Variants in CPS1 observed in about 807,000 individuals in gnomAD.
CPS1 encodes the protein carbamoyl-phosphate synthase 1.
In CPS1, 109 loss-of-function variants were observed where a neutral mutation model predicts 174.6. The ratio of observed to expected loss-of-function variants is 0.62; its 90% CI spans 0.53 to 0.73. CPS1 has a LOEUF of 0.73. CPS1 is among the 30% of genes least tolerant of loss of function. The pLI is 0.00. For synonymous variants in CPS1, 637 were observed against 632.0 expected (o/e 1.01, Z -0.12); for missense variants, 1,689 against 1,821.9 (o/e 0.93, Z 1.33).
At chr2:210,633,264 CT>C (rs549845940) in intron 21 of CPS1, among the ~76,000 whole-genome samples, 16 of 148,784 alleles carry the variant, frequency 1.1e-4, no homozygotes, top group African/African-American at 2.0e-4. Flanking sequence ...TGACAGATGG[CT>C]TTTTTTTTTC....
At chr2:210,677,221 C>A in intron 37 of CPS1, 85 bp downstream of exon 37, 1 of 1,261,240 alleles carries the variant, frequency 7.9e-7, no homozygotes, top group Non-Finnish European at 1.2e-6. Flanking sequence ...ATGCACATCT[C>A]TCTTTTCCCC....
intron 34 of CPS1, among the ~76,000 whole-genome samples, chr2:210,669,306 A>G: frequency 6.6e-6 from 1 of 152,114 alleles, no homozygotes; most frequent in East Asian, 1.9e-4. Context: ...TTCCTGAAAA[A>G]ATACTAGAGG....
rs780608608 is a variant in CPS1, at chr2:210,502,427, AAG to A, written c.3+24667_3+24668del. Among the ~76,000 whole-genome samples, 276 of 146,332 alleles carry A rather than the reference AAG, an allele frequency of 1.9e-3. 1 individual carries two copies. Among genetic ancestry groups the A allele is most frequent in the African/African-American group, 2.6e-3 (105 of 40,562 alleles). On this transcript the variant is annotated intron_variant, in intron 1 of 38. Transcript: ENST00000430249. ...TTATATATATATAATATATATATAA[AAG>A]AGAGATATAGAGATATCTATGAGAT... is the stretch of plus-strand genomic sequence containing the variant.
intron 15 of CPS1, among the ~76,000 whole-genome samples, chr2:210,601,974 G>C (rs990898763): frequency 6.6e-6 from 1 of 151,816 alleles, no homozygotes; most frequent in Admixed American, 6.6e-5. Flanking sequence ...TACCGCAAAA[G>C]TGTATTTCTT....
intron 24 of CPS1, 118 bp downstream of exon 24, chr2:210,640,177 C>G (rs1700175440): frequency 5.5e-6 from 4 of 721,648 alleles, no homozygotes; most frequent in Admixed American, 2.6e-5. Context: ...ATATGTTTTG[C>G]AAATTAGGAA....
chr2:210,499,522 A>G (rs1695089676), intron 1 of CPS1, among the ~76,000 whole-genome samples: 1 of 152,188 alleles, frequency 6.6e-6, no homozygotes, highest in Non-Finnish European at 1.5e-5. Flanking sequence ...GGCCCAAGAC[A>G]AAAATGCCTG....
intron 2 of CPS1, among the ~76,000 whole-genome samples, chr2:210,573,673 T>C (rs1301296960): frequency 6.6e-6 from 1 of 151,990 alleles, no homozygotes. Context: ...GAAACTTAGG[T>C]TGTGAGGACA....
chr2:210,597,831 T>C (rs950434471), intron 13 of CPS1, among the ~76,000 whole-genome samples: 2 of 151,230 alleles, frequency 1.3e-5, no homozygotes, highest in Admixed American at 6.6e-5. Context: ...TTCATATATA[T>C]ACACACACAC....
chr2:210,617,947 G>A (rs950682808), intron 21 of CPS1: 1 of 151,960 alleles, frequency 6.6e-6, no homozygotes, highest in South Asian at 2.1e-4. Flanking sequence ...GAAACTTATA[G>A]TATGCCAGTC....
intron 30 of CPS1, 61 bp downstream of exon 30, chr2:210,656,693 GT>G (rs61108700): frequency 0.079 from 67,051 of 848,996 alleles, 212 homozygotes; most frequent in African/African-American, 0.12. Context: ...AACACCTAAG[GT>G]TTTTTTTTTT....
rs191863184 is a variant in CPS1 at position 210,505,476 on chromosome 2, G to A, written c.3+27710G>A. Among the ~76,000 whole-genome samples the A allele has an allele frequency of 3.0e-4, 45 of 152,212 alleles. No homozygotes were observed. The East Asian group carries it at 4.3e-3, about 15-fold the overall frequency. ...TCCCGGCGTGAGCGACACAGAAGACGAATGATTTCTGCATTTCCAACTGAG... is the reference window on the plus strand; with the variant it reads ...TCCCGGCGTGAGCGACACAGAAGACAAATGATTTCTGCATTTCCAACTGAG... On this transcript the variant is annotated intron_variant, in intron 1 of 38. Transcript: ENST00000430249.
At chr2:210,484,377 T>C (rs1694658444) in intron 1 of CPS1, among the ~76,000 whole-genome samples, 1 of 152,180 alleles carries the variant, frequency 6.6e-6, no homozygotes, top group South Asian at 2.1e-4. Flanking sequence ...TAGAACTTCT[T>C]ATAAGACATG....
intron 21 of CPS1, among the ~76,000 whole-genome samples, chr2:210,616,998 GCT>G (rs749537740): frequency 4.4e-4 from 67 of 151,656 alleles, no homozygotes; most frequent in Non-Finnish European, 7.1e-4. Context: ...TTCCTTTTGC[GCT>G]CTACTGTTTT....
chr2:210,550,753 T>C (rs545188337), intron 1 of CPS1, among the ~76,000 whole-genome samples: 68 of 152,008 alleles, frequency 4.5e-4, no homozygotes, highest in Non-Finnish European at 8.4e-4. Context: ...TATATTGTGG[T>C]TATATCTTCC....
chr2:210,632,341 A>C (rs902403137), intron 21 of CPS1, among the ~76,000 whole-genome samples: 1 of 152,204 alleles, frequency 6.6e-6, no homozygotes, highest in Admixed American at 6.5e-5. Flanking sequence ...TGCATCTTGT[A>C]TTTATTTGAC....
intron 36 of CPS1, among the ~76,000 whole-genome samples, chr2:210,676,797 A>G (rs1701550377): frequency 6.6e-6 from 1 of 152,212 alleles, no homozygotes; most frequent in Non-Finnish European, 1.5e-5. Flanking sequence ...TCTGCATTCC[A>G]TTAGACTTGC....
chr2:210,519,766 G>A (rs1695773293), intron 1 of CPS1: 1 of 985,212 alleles, frequency 1.0e-6, no homozygotes, highest in African/African-American at 1.7e-5. Context: ...GCATTTTCCT[G>A]ATGAAAATGT....
chr2:210,483,438 A>G (rs1275642776), intron 1 of CPS1, among the ~76,000 whole-genome samples: 1 of 152,192 alleles, frequency 6.6e-6, no homozygotes, highest in Non-Finnish European at 1.5e-5. Context: ...AGAGACTTAC[A>G]TAGTTATCTC....
At chr2:210,528,817 T>C (rs1439722890) in intron 1 of CPS1, among the ~76,000 whole-genome samples, 1 of 149,544 alleles carries the variant, frequency 6.7e-6, no homozygotes, top group Non-Finnish European at 1.5e-5. Flanking sequence ...AAGACAACTT[T>C]TTTTTTTTTT....
Sources: allele counts gnomAD v4.1 joint callset (sites outside exome capture counted in the v4.1 genomes callset), GRCh38; gene constraint gnomAD v4.1.1; transcripts MANE v1.5; gene names NCBI Gene and HGNC (gene_info 2026-07-23, HGNC 2026-07-21).